The following ADD3 variants were observed in gnomAD, a reference collection of about 807,000 sequenced individuals.
ADD3 encodes adducin 3.
In ADD3, 25 loss-of-function variants were observed where a neutral mutation model predicts 80.2. The ratio of observed to expected loss-of-function variants is 0.31; its 90% CI spans 0.23 to 0.44. The LOEUF (loss-of-function observed/expected upper bound fraction) is 0.44, where lower values mean the gene tolerates loss of function less well. ADD3 is among the 20% of genes least tolerant of loss of function. The pLI, the probability that ADD3 is intolerant of heterozygous loss-of-function variation, is 1.00. For synonymous variants in ADD3, 284 were observed against 289.6 expected, an observed-to-expected ratio of 0.98 and a Z score of 0.20; for missense variants, 829 against 847.5, an observed-to-expected ratio of 0.98 and a Z score of 0.27.
chr10:110,129,273 C>A (rs936811829), intron 12 of ADD3, among the ~76,000 whole-genome samples: 2 of 152,008 alleles, frequency 1.3e-5, no homozygotes, highest in Admixed American at 1.3e-4. Context: ...CCTCAGCCTC[C>A]TGAGTAGCTG....
At chr10:110,027,206 G>A (rs139109033) in intron 1 of ADD3, among the ~76,000 whole-genome samples, 2,691 of 152,184 alleles carry the variant, frequency 0.018, 63 homozygotes, top group Non-Finnish European at 0.019. Flanking sequence ...AATAATGTGG[G>A]TTCCTCCCAA....
intron 1 of ADD3, among the ~76,000 whole-genome samples, chr10:110,008,652 G>A (rs1225489314): frequency 1.3e-4 from 20 of 152,220 alleles, no homozygotes; most frequent in Admixed American, 1.2e-3. Flanking sequence ...ACTGGCTGAA[G>A]CTTAGGTGAC....
At position 110,132,283 on chromosome 10, in the gene ADD3, TAACTA is replaced by T; in HGVS notation, c.1733-17_1733-13del. On this transcript the variant is annotated splice_polypyrimidine_tract_variant and intron_variant, in intron 13 of 14. Coordinates refer to ENST00000356080, the MANE Select transcript of ADD3 (RefSeq NM_016824.5). ...GCTTTGTTTTGTTTTGCATGGCTTT[TAACTA>T]AACTCTTATCCAACAGATGCTGAGC... 1 of 1,579,602 alleles carries T rather than the reference TAACTA, an allele frequency of 6.3e-7. No individual in the cohort carries two copies. The highest frequency in any genetic ancestry group is 8.7e-7 in the Non-Finnish European group (1 of 1,150,374).
intron 1 of ADD3, chr10:110,075,494 T>C (rs887602547): frequency 6.6e-6 from 1 of 152,230 alleles, no homozygotes; most frequent in African/African-American, 2.4e-5. Context: ...CAATTTTCAG[T>C]GGTGAAAGCC....
intron 1 of ADD3, among the ~76,000 whole-genome samples, chr10:110,043,141 C>T (rs1200600920): frequency 6.6e-6 from 1 of 152,156 alleles, no homozygotes; most frequent in East Asian, 1.9e-4. Context: ...TCAATTATGT[C>T]CTGAAGATCT....
chr10:110,040,078 A>G (rs1589831407), intron 1 of ADD3, among the ~76,000 whole-genome samples: 1 of 152,332 alleles, frequency 6.6e-6, no homozygotes, highest in East Asian at 1.9e-4. Flanking sequence ...AAGGGACTAC[A>G]CATGGTTGTG....
At chr10:110,112,456 C>CTT in intron 2 of ADD3, 1 of 194,096 alleles carries the variant, frequency 5.2e-6, no homozygotes, top group South Asian at 1.3e-4. Flanking sequence ...AGTGGGTCAC[C>CTT]TTTTTTTTTA....
At chr10:110,122,549 T>C (rs1851642945) in intron 9 of ADD3, among the ~76,000 whole-genome samples, 1 of 152,166 alleles carries the variant, frequency 6.6e-6, no homozygotes, top group African/African-American at 2.4e-5. Context: ...TTTTTCCTCC[T>C]AACTGAAATT....
chr10:110,122,112 G>C lies in ADD3; in HGVS notation c.963G>C (p.Val321=). 1.2e-6 allele frequency: 2 copies of C among 1,611,508 alleles called. No homozygotes were observed. The highest frequency in any genetic ancestry group is 1.7e-6 in the Non-Finnish European group (2 of 1,178,514). Residue 321 remains valine, a splice_region_variant and synonymous_variant, in exon 9 of 15, where the codon GTG becomes GTC. Transcript: ENST00000356080. ...FNVQLACEIQ[V]QALAGAGGVD... is the part of the protein sequence containing the mutation. ...GTATATTTTACCATTGATTACAGGT[G>C]CAGGCCCTAGCAGGTGCAGGTGGAG... is the stretch of plus-strand genomic sequence containing the variant.
At chr10:110,056,970 C>G (rs1281026857) in intron 1 of ADD3, among the ~76,000 whole-genome samples, 1 of 152,084 alleles carries the variant, frequency 6.6e-6, no homozygotes, top group African/African-American at 2.4e-5. Flanking sequence ...CTTTCTAGAC[C>G]CATGTCTTTA....
intron 1 of ADD3, among the ~76,000 whole-genome samples, chr10:110,098,148 T>G (rs1236101203): frequency 6.6e-6 from 1 of 152,204 alleles, no homozygotes; most frequent in Non-Finnish European, 1.5e-5. Flanking sequence ...ATCCTCAATT[T>G]AAGGCAGTCA....
intron 1 of ADD3, among the ~76,000 whole-genome samples, chr10:110,034,089 C>T (rs1361261891): frequency 6.6e-6 from 1 of 152,162 alleles, no homozygotes; most frequent in Admixed American, 6.5e-5. Context: ...CTAGTTCCAT[C>T]CCGTGGAGCT....
At chr10:110,077,784 G>A (rs1590014108) in intron 1 of ADD3, among the ~76,000 whole-genome samples, 1 of 32,362 alleles carries the variant, frequency 3.1e-5, no homozygotes, top group African/African-American at 1.7e-3. Context: ...TTTCGCAACT[G>A]GGGGTCTGTC....
intron 1 of ADD3, among the ~76,000 whole-genome samples, chr10:110,050,544 G>A (rs1484936874): frequency 3.0e-5 from 4 of 134,884 alleles, no homozygotes; most frequent in African/African-American, 8.3e-5. Context: ...GCGGAGTCTC[G>A]CTCTGTTGCC....
At chr10:110,058,809 C>T (rs904688305) in intron 1 of ADD3, among the ~76,000 whole-genome samples, 35 of 152,298 alleles carry the variant, frequency 2.3e-4, no homozygotes, top group African/African-American at 7.7e-4. Context: ...ATCTAAGTAT[C>T]TAGCTCATGA....
At chr10:110,066,881 C>T (rs536852594) in intron 1 of ADD3, among the ~76,000 whole-genome samples, 1 of 152,160 alleles carries the variant, frequency 6.6e-6, no homozygotes, top group East Asian at 1.9e-4. Flanking sequence ...TATATAATGA[C>T]ATTATGTTGA....
chr10:110,031,000 G>C (rs1180758891), intron 1 of ADD3, among the ~76,000 whole-genome samples: 1 of 151,874 alleles, frequency 6.6e-6, no homozygotes, highest in African/African-American at 2.4e-5. Flanking sequence ...GTAAGTCCAG[G>C]CACGGTGGCT....
intron 1 of ADD3, among the ~76,000 whole-genome samples, chr10:110,080,737 T>C (rs1041277297): frequency 6.6e-6 from 1 of 152,252 alleles, no homozygotes; most frequent in Non-Finnish European, 1.5e-5. Flanking sequence ...GTTTCTTGTT[T>C]AAACTGTTTG....
chr10:110,117,623 G>T (rs1405823711), intron 5 of ADD3, among the ~76,000 whole-genome samples: 1 of 151,732 alleles, frequency 6.6e-6, no homozygotes, highest in South Asian at 2.1e-4. Flanking sequence ...AAATGAGTTG[G>T]TCTTATCAGT....
Sources: gnomAD v4.1 joint callset for allele counts (sites outside exome capture counted in the v4.1 genomes callset) on GRCh38, gnomAD v4.1.1 for gene constraint, MANE v1.5 for transcripts, NCBI Gene and HGNC (gene_info 2026-07-23, HGNC 2026-07-21) for gene names.